ACSF3: variants seen among roughly 807,000 people sequenced by gnomAD.
The protein encoded by ACSF3 is acyl-CoA synthetase family member 3, also known as malonate--CoA ligase ACSF3, mitochondrial.
A neutral mutation model predicts 53.2 loss-of-function variants in ACSF3; 78 were observed. The ratio of observed to expected loss-of-function variants is 1.47; its 90% CI spans 1.22 to 1.77. The LOEUF (loss-of-function observed/expected upper bound fraction) is 1.77. Ranked by LOEUF, ACSF3 falls within the 40% of genes most tolerant of loss-of-function variation. The pLI, the probability that ACSF3 is intolerant of heterozygous loss-of-function variation, is 0.00. For synonymous variants in ACSF3, 414 were observed against 333.1 expected, an observed-to-expected ratio of 1.24 and a Z score of -2.65; for missense variants, 937 against 771.1, an observed-to-expected ratio of 1.22 and a Z score of -2.55.
intron 7 of ACSF3, among the ~76,000 whole-genome samples, chr16:89,123,973 A>G (rs1907298898): frequency 6.6e-6 from 1 of 152,010 alleles, no homozygotes; most frequent in African/African-American, 2.4e-5. Flanking sequence ...TAGCACACGT[A>G]GTACGCATGG....
At position 89,093,967 on chromosome 16, in the gene ACSF3, T is replaced by C; in HGVS notation, c.-223T>C. 1 of 257,480 alleles carries C rather than the reference T, an allele frequency of 3.9e-6. No individual in the cohort carries two copies. Among genetic ancestry groups the C allele is most frequent in the Non-Finnish European group, 8.4e-6 (1 of 119,462 alleles). 15.9% of individuals were successfully genotyped at this position (257,480 alleles called of 1,614,324 possible). ...CGAGGAAGAGTTGTGGCGAGGCAGA[T>C]CCTGCCCCGTGGCCGCGGCCGTCTC... On this transcript the variant is annotated 5_prime_UTR_variant, in exon 1 of 11. Transcript: ENST00000614302.
chr16:89,119,008 G>C (rs900928048), intron 6 of ACSF3, among the ~76,000 whole-genome samples: 1 of 150,690 alleles, frequency 6.6e-6, no homozygotes, highest in African/African-American at 2.4e-5. Context: ...CCCCTCCCTC[G>C]AGCTCTCACG....
intron 5 of ACSF3, among the ~76,000 whole-genome samples, chr16:89,112,759 C>T (rs899816654): frequency 4.6e-5 from 7 of 152,312 alleles, no homozygotes; most frequent in Non-Finnish European, 1.0e-4. Context: ...TCTGTCATGG[C>T]GTCTGAAGGA....
chr16:89,140,861 A>G (rs1476572747), intron 8 of ACSF3, among the ~76,000 whole-genome samples: 2 of 152,226 alleles, frequency 1.3e-5, no homozygotes, highest in Non-Finnish European at 2.9e-5. Flanking sequence ...CACCAAATTC[A>G]AAAGCAGCTC....
At chr16:89,154,026 G>A (rs1650769521) in intron 10 of ACSF3, 64 bp from the exon 11 acceptor site, 12 of 1,538,524 alleles carry the variant, frequency 7.8e-6, no homozygotes, top group South Asian at 4.6e-5. Flanking sequence ...ACTGCTGGGC[G>A]CCTGAGTTCC....
chr16:89,111,071 C>T (rs1034358388), intron 4 of ACSF3, among the ~76,000 whole-genome samples: 2 of 152,224 alleles, frequency 1.3e-5, no homozygotes, highest in African/African-American at 4.8e-5. Flanking sequence ...AATTCTCCAT[C>T]TTCCCCACGT....
At chr16:89,136,896 A>T (rs1297825020) in intron 8 of ACSF3, 1 of 1,231,802 alleles carries the variant, frequency 8.1e-7, no homozygotes, top group African/African-American at 1.6e-5. Flanking sequence ...AACTCCTCTG[A>T]CGGCCACAAC....
At position 89,155,351 on chromosome 16, in the gene ACSF3, T is replaced by C; in HGVS notation, c.*1144T>C. 2.2e-6 allele frequency: 1 copy of C among 451,444 alleles called. No individual in the cohort carries two copies. Among genetic ancestry groups the C allele is most frequent in the Non-Finnish European group, 4.5e-6 (1 of 224,624 alleles). The allele number at this position is 451,444 out of a possible 1,614,324, so 28.0% of individuals were successfully genotyped here. A position where few individuals can be genotyped will look rare whatever the true frequency, so the allele number is the denominator to read the frequency against. ...GCAGGAGGCCAGCCCCATCTCAGGC[T>C]CACGTGCCTCTGACAGGAGACCAGC... On this transcript the variant is annotated 3_prime_UTR_variant, in exon 11 of 11. Transcript: ENST00000614302.
At chr16:89,099,187 C>T (rs1466162589) in intron 2 of ACSF3, among the ~76,000 whole-genome samples, 2 of 152,254 alleles carry the variant, frequency 1.3e-5, no homozygotes, top group African/African-American at 4.8e-5. Context: ...CCTGTGTCCG[C>T]ATCCTGGGGC....
intron 5 of ACSF3, 156 bp from the exon 6 acceptor site, chr16:89,114,183 C>T: frequency 2.1e-6 from 2 of 958,658 alleles, no homozygotes; most frequent in Non-Finnish European, 3.2e-6. Flanking sequence ...GGGTGTCGCA[C>T]AGTGGTGCTG....
rs1381033863 is a variant in ACSF3, at chr16:89,093,884, C to T, written c.-306C>T. Reference sequence around the variant, plus strand: ...GCCGGAACTGGTCCGGCCCGACTCACGACCCCGCGGGACCCGGCCGGAACC... The same window carrying T: ...GCCGGAACTGGTCCGGCCCGACTCATGACCCCGCGGGACCCGGCCGGAACC... On this transcript the variant is annotated 5_prime_UTR_variant, in exon 1 of 11. It adds an upstream start codon to the 5' untranslated region. Coordinates refer to ENST00000614302, the MANE Select transcript of ACSF3 (RefSeq NM_001243279.3). The T allele has an allele frequency of 6.2e-6, 2 of 321,356 alleles. No individual in the cohort carries two copies. Among genetic ancestry groups the T allele is most frequent in the Non-Finnish European group, 1.3e-5 (2 of 153,964 alleles). The allele number at this position is 321,356 out of a possible 1,614,324, so 19.9% of individuals were successfully genotyped here.
At position 89,124,590 on chromosome 16, in the gene ACSF3, T is replaced by G. The variant is rs368843689; in HGVS notation, c.1239+3677T>G. On this transcript the variant is annotated intron_variant, in intron 7 of 10. Coordinates refer to ENST00000614302, the MANE Select transcript of ACSF3 (RefSeq NM_001243279.3). ...GATACCCATGCGCACACTGTGTGTG[T>G]GATACCCATGCATGCACTGCGTGTA... Among the ~76,000 whole-genome samples, 1,308 of 152,264 alleles carry G rather than the reference T, an allele frequency of 8.6e-3. 23 individuals carry two copies. Among genetic ancestry groups the G allele is most frequent in the African/African-American group, 0.031 (1,268 of 41,536 alleles).
In ACSF3 at chr16:89,155,587, G is replaced by T. The variant is rs747512145; in HGVS notation, c.*1380G>T. The T allele has an allele frequency of 2.2e-6, 1 of 454,074 alleles. No homozygotes were observed. The highest frequency in any genetic ancestry group is 2.0e-5 in the African/African-American group (1 of 50,124). 28.1% of individuals were successfully genotyped at this position (454,074 alleles called of 1,614,324 possible). A position where few individuals can be genotyped will look rare whatever the true frequency, so the allele number is the denominator to read the frequency against. ...TTGTGCATCCCCATGGCCTGACCCC[G>T]GGAACAGTCAGAGGAAGGGGTCCCG... On this transcript the variant is annotated 3_prime_UTR_variant, in exon 11 of 11. Coordinates refer to ENST00000614302, the MANE Select transcript of ACSF3 (RefSeq NM_001243279.3).
intron 10 of ACSF3, among the ~76,000 whole-genome samples, chr16:89,147,171 G>T (rs1216976266): frequency 4.8e-5 from 6 of 124,418 alleles, no homozygotes; most frequent in African/African-American, 1.8e-4. Context: ...AGGAGGGAGG[G>T]TCCACAGAGG....
chr16:89,143,053 G>A (rs1023394440), intron 8 of ACSF3, among the ~76,000 whole-genome samples: 1 of 152,226 alleles, frequency 6.6e-6, no homozygotes, highest in Non-Finnish European at 1.5e-5. Flanking sequence ...GAAGAAAATT[G>A]CTCCATAAAC....
chr16:89,134,482 C>T (rs745397997), intron 8 of ACSF3, among the ~76,000 whole-genome samples: 1 of 152,110 alleles, frequency 6.6e-6, no homozygotes, highest in Non-Finnish European at 1.5e-5. Context: ...TAGAAGTCAG[C>T]GGCGGGTCTG....
intron 4 of ACSF3, among the ~76,000 whole-genome samples, chr16:89,104,709 T>C (rs1975758699): frequency 6.6e-6 from 1 of 152,144 alleles, no homozygotes; most frequent in Non-Finnish European, 1.5e-5. Flanking sequence ...TTTCTGGCCC[T>C]CCACCTCTCT....
At chr16:89,131,127 C>CTTTTTTTTT (rs558773398) in intron 7 of ACSF3, among the ~76,000 whole-genome samples, 72 of 69,546 alleles carry the variant, frequency 1.0e-3, no homozygotes, top group Non-Finnish European at 1.2e-3. Flanking sequence ...TTTTCTTTTT[C>CTTTTTTTTT]TTTTTTTTTT....
intron 1 of ACSF3, among the ~76,000 whole-genome samples, chr16:89,097,805 G>C (rs1276835144): frequency 4.6e-5 from 7 of 152,228 alleles, no homozygotes; most frequent in Non-Finnish European, 1.0e-4. Flanking sequence ...CCTCGCGTCA[G>C]GAGATGATGT....
Sources: allele counts gnomAD v4.1 joint callset (sites outside exome capture counted in the v4.1 genomes callset), GRCh38; gene constraint gnomAD v4.1.1; transcripts MANE v1.5; gene names NCBI Gene and HGNC (gene_info 2026-07-23, HGNC 2026-07-21).